The following MEMO1 variants were observed in gnomAD, a reference collection of about 807,000 sequenced individuals.
MEMO1 encodes the protein mediator of cell motility 1, also known as protein MEMO1.
MEMO1 carries 6 observed loss-of-function variants against 45.2 expected under a neutral mutation model. That is an observed-to-expected ratio of 0.13 (90% CI 0.07 to 0.26). The LOEUF (loss-of-function observed/expected upper bound fraction) is 0.26. Among genes scored for constraint, MEMO1 ranks in the 10% least tolerant of loss-of-function variants. The pLI, the probability that MEMO1 is intolerant of heterozygous loss-of-function variation, is 1.00. For missense variants in MEMO1, 184 were observed against 370.5 expected, an observed-to-expected ratio of 0.50 and a Z score of 4.13; for synonymous variants, 78 against 124.3, an observed-to-expected ratio of 0.63 and a Z score of 2.48.
At position 31,943,312 on chromosome 2, in the gene MEMO1, T is replaced by C. The variant is rs200502530; in HGVS notation, c.133A>G (p.Ile45Val). 5.0e-6 allele frequency: 8 copies of C among 1,612,392 alleles called. No individual in the cohort carries two copies. Among genetic ancestry groups the C allele is most frequent in the South Asian group, 1.1e-5 (1 of 91,060 alleles). Residue 45 changes from isoleucine to valine, a missense_variant, in exon 3 of 10, where the codon ATT (isoleucine) becomes GTT (valine). Physicochemically the swap from Ile to Val is conservative, Grantham distance 29 (BLOSUM62 3). Transcript: ENST00000404530. ...ACAAAAAAGACTTACGGGGCAATAA[T>C]GGCTCTAGCAGGTCTTTTTGTAGAC... ...VQSTKRPARAIIAPHAGYTYC... is the reference protein window; with the variant it reads ...VQSTKRPARAVIAPHAGYTYC...
chr2:31,895,250 C>T (rs929638302), intron 6 of MEMO1, among the ~76,000 whole-genome samples: 1 of 152,150 alleles, frequency 6.6e-6, no homozygotes, highest in South Asian at 2.1e-4. Flanking sequence ...CAAACTATGA[C>T]CCATATTCGG....
chr2:31,955,216 C>CA (rs1667277630), intron 2 of MEMO1, among the ~76,000 whole-genome samples: 1 of 151,238 alleles, frequency 6.6e-6, no homozygotes, highest in Non-Finnish European at 1.5e-5. Context: ...AAAAAACAAA[C>CA]AAACAAACGT....
chr2:31,870,573 A>G (rs963164355), intron 8 of MEMO1, among the ~76,000 whole-genome samples: 2 of 152,138 alleles, frequency 1.3e-5, no homozygotes, highest in Non-Finnish European at 2.9e-5. Flanking sequence ...GGCAGGCTTA[A>G]GCAACACAGA....
intron 6 of MEMO1, among the ~76,000 whole-genome samples, chr2:31,912,513 CAAAAAA>C (rs752295550): frequency 0.019 from 1,140 of 60,558 alleles, 26 homozygotes; most frequent in Non-Finnish European, 0.028. Context: ...AACTCTGTCT[CAAAAAA>C]AAAAAAAAAA....
intron 5 of MEMO1, 34 bp downstream of exon 5, chr2:31,920,764 C>A: frequency 8.2e-7 from 1 of 1,217,920 alleles, no homozygotes. Flanking sequence ...AGAACATTAG[C>A]TATTTGAAAG....
At chr2:31,989,240 A>G (rs560201347) in intron 2 of MEMO1, among the ~76,000 whole-genome samples, 41 of 151,994 alleles carry the variant, frequency 2.7e-4, no homozygotes, top group East Asian at 1.4e-3. Context: ...AAAAAAAAAA[A>G]AAAGAAAGAA....
At chr2:31,979,924 G>C in intron 2 of MEMO1, among the ~76,000 whole-genome samples, 1 of 149,266 alleles carries the variant, frequency 6.7e-6, no homozygotes, top group East Asian at 2.0e-4. Flanking sequence ...CTGATATGTA[G>C]AAACTAGCCA....
chr2:31,933,338 A>AT (rs1664446443), intron 3 of MEMO1, among the ~76,000 whole-genome samples: 1 of 57,244 alleles, frequency 1.7e-5, no homozygotes, highest in African/African-American at 7.9e-5. Context: ...AAAAAAAAAA[A>AT]AAAAAAAAAA....
At chr2:31,971,399 C>T (rs540513871) in intron 2 of MEMO1, among the ~76,000 whole-genome samples, 137 of 152,238 alleles carry the variant, frequency 9.0e-4, no homozygotes, top group Admixed American at 2.1e-3. Context: ...AGGCTTGCAT[C>T]ACCATGCCCA....
chr2:31,923,739 AAC>A (rs1442496489), intron 4 of MEMO1: 1 of 1,534,944 alleles, frequency 6.5e-7, no homozygotes, highest in East Asian at 2.5e-5. Context: ...GAAAATCTGA[AAC>A]ACACAGTCAA....
chr2:31,939,404 T>C (rs1479835693), intron 3 of MEMO1, among the ~76,000 whole-genome samples: 7 of 152,210 alleles, frequency 4.6e-5, no homozygotes, highest in Non-Finnish European at 1.0e-4. Context: ...GAAATCAACA[T>C]ATTTGTAATT....
At chr2:31,981,948 G>C (rs893175455) in intron 2 of MEMO1, among the ~76,000 whole-genome samples, 2 of 152,130 alleles carry the variant, frequency 1.3e-5, no homozygotes, top group African/African-American at 4.8e-5. Flanking sequence ...CAATACGTCA[G>C]GATATCCTAG....
At chr2:31,948,398 G>T (rs1207330087) in intron 2 of MEMO1, among the ~76,000 whole-genome samples, 1 of 151,892 alleles carries the variant, frequency 6.6e-6, no homozygotes, top group Non-Finnish European at 1.5e-5. Context: ...CACATGGTTG[G>T]GTATAAGGTA....
intron 4 of MEMO1, among the ~76,000 whole-genome samples, chr2:31,927,998 C>G (rs573988532): frequency 6.6e-6 from 1 of 152,288 alleles, no homozygotes; most frequent in East Asian, 1.9e-4. Context: ...TAAAACCATG[C>G]CTGTTTTATT....
Position 31,904,361 on chromosome 2 carries a change from G to A in MEMO1, c.438-12227C>T, listed in dbSNP as rs150378417. Among the ~76,000 whole-genome samples, 1,481 of 152,300 alleles carry A rather than the reference G, an allele frequency of 9.7e-3. 25 individuals carry two copies. The highest frequency in any genetic ancestry group is 0.049 in the South Asian group (238 of 4,826). ...TAAACACTTTCCTTCTGAGAGCCTG[G>A]AATTTTGGTAGCTGTGGCTAGCTAC... On this transcript the variant is annotated intron_variant, in intron 6 of 9. Transcript: ENST00000404530.
At chr2:31,960,642 G>A (rs1249588731) in intron 2 of MEMO1, among the ~76,000 whole-genome samples, 5 of 152,126 alleles carry the variant, frequency 3.3e-5, no homozygotes, top group Non-Finnish European at 7.4e-5. Flanking sequence ...CTGGAGTGCA[G>A]TGGTGTGATC....
intron 2 of MEMO1, among the ~76,000 whole-genome samples, chr2:31,995,042 A>G (rs867510010): frequency 2.0e-5 from 3 of 152,240 alleles, no homozygotes; most frequent in Middle Eastern, 3.4e-3. Context: ...AACATGACCA[A>G]TAAACAGGAA....
intron 8 of MEMO1, 88 bp downstream of exon 8, chr2:31,883,291 AAATATAT>A (rs1170894241): frequency 1.1e-6 from 1 of 892,674 alleles, no homozygotes; most frequent in East Asian, 2.7e-5. Flanking sequence ...GATAGGGAAA[AAATATAT>A]TATTTCAACA....
intron 5 of MEMO1, 65 bp from the exon 6 acceptor site, chr2:31,918,102 C>T (rs1681738093): frequency 2.0e-6 from 2 of 1,020,428 alleles, no homozygotes; most frequent in South Asian, 2.2e-5. Flanking sequence ...TGTGAGATTC[C>T]ACCCAGTAAC....
Sources: gnomAD v4.1 joint callset for allele counts (sites outside exome capture counted in the v4.1 genomes callset) on GRCh38, gnomAD v4.1.1 for gene constraint, MANE v1.5 for transcripts, NCBI Gene and HGNC (gene_info 2026-07-23, HGNC 2026-07-21) for gene names.